The following DLGAP2 variants were observed in gnomAD, a reference collection of about 807,000 sequenced individuals.
DLGAP2 encodes the protein DLG associated protein 2, also known as disks large-associated protein 2.
DLGAP2 carries 26 observed loss-of-function variants against 100.3 expected under a neutral mutation model. The ratio of observed to expected loss-of-function variants is 0.26; its 90% confidence interval spans 0.19 to 0.36. The LOEUF (loss-of-function observed/expected upper bound fraction) is 0.36, where lower values mean the gene tolerates loss of function less well. Ranked by LOEUF, DLGAP2 falls within the 10% of genes least tolerant of loss-of-function variation. The pLI, the probability that DLGAP2 is intolerant of heterozygous loss-of-function variation, is 1.00. For missense variants in DLGAP2, 1,858 were observed against 1,453.2 expected (o/e 1.28, Z -4.53); for synonymous variants, 886 against 630.1 (o/e 1.41, Z -6.08).
intron 2 of DLGAP2, among the ~76,000 whole-genome samples, chr8:1,054,002 A>C (rs185807413): frequency 6.6e-6 from 1 of 152,252 alleles, no homozygotes; most frequent in East Asian, 1.9e-4. Flanking sequence ...GCAGTACAAC[A>C]AATGTGTTAC....
At chr8:892,352 G>T (rs534746471) in intron 1 of DLGAP2, among the ~76,000 whole-genome samples, 1 of 152,114 alleles carries the variant, frequency 6.6e-6, no homozygotes, top group African/African-American at 2.4e-5. Context: ...CCACACAGCC[G>T]AACATGAGTC....
intron 2 of DLGAP2, among the ~76,000 whole-genome samples, chr8:1,256,690 AACTG>A (rs1380697222): frequency 1.3e-5 from 2 of 152,174 alleles, no homozygotes; most frequent in Non-Finnish European, 2.9e-5. Context: ...ACTGAGGGGA[AACTG>A]ACTGTGGGCC....
At chr8:847,773 C>T (rs1249249317) in intron 1 of DLGAP2, among the ~76,000 whole-genome samples, 2 of 152,210 alleles carry the variant, frequency 1.3e-5, no homozygotes, top group African/African-American at 4.8e-5. Flanking sequence ...TCCCAAAGTG[C>T]TGGCATTACA....
At chr8:967,816 C>CTTTT (rs1160625195) in intron 2 of DLGAP2, among the ~76,000 whole-genome samples, 7 of 2,580 alleles carry the variant, frequency 2.7e-3, no homozygotes, top group Admixed American at 0.013. Flanking sequence ...TTGAACACCA[C>CTTTT]TATATATATA....
chr8:1,439,908 C>G (rs1348355292), intron 3 of DLGAP2, among the ~76,000 whole-genome samples: 1 of 152,118 alleles, frequency 6.6e-6, no homozygotes, highest in South Asian at 2.1e-4. Context: ...GTCCTCATCC[C>G]TAGACAATGA....
At chr8:1,580,999 CA>C (rs907205483) in intron 6 of DLGAP2, among the ~76,000 whole-genome samples, 1 of 150,880 alleles carries the variant, frequency 6.6e-6, no homozygotes, top group Non-Finnish European at 1.5e-5. Flanking sequence ...AGGATACAGA[CA>C]AAACCCCACA....
In DLGAP2 at chr8:1,282,416, G is replaced by A. The variant is rs1429058614; in HGVS notation, c.106+23533G>A. ...AGACGTGGTGTGACCTGAACCCAGCGCCCTGAACCATCCGGACATGGTGTG... is the reference window on the plus strand; with the variant it reads ...AGACGTGGTGTGACCTGAACCCAGCACCCTGAACCATCCGGACATGGTGTG... On this transcript the variant is annotated intron_variant, in intron 3 of 14. Coordinates refer to ENST00000637795, the MANE Select transcript of DLGAP2 (RefSeq NM_001346810.2). 1.4e-4 allele frequency among the ~76,000 whole-genome samples: 16 copies of A among 112,112 alleles called. 1 individual carries two copies. Among genetic ancestry groups the A allele is most frequent in the East Asian group, 3.2e-4 (1 of 3,156 alleles). The allele number at this position is 112,112 out of a possible 152,430, so 73.5% of individuals were successfully genotyped here.
chr8:1,467,510 C>G (rs189229547), intron 3 of DLGAP2, among the ~76,000 whole-genome samples: 135 of 152,222 alleles, frequency 8.9e-4, no homozygotes, highest in African/African-American at 2.8e-3. Flanking sequence ...GCTCCAGACC[C>G]CCATTACCTT....
Position 1,549,013 on chromosome 8 carries a change from G to T in DLGAP2, c.560G>T (p.Arg187Leu). ...GCCCACGCGGGCGCCAAGATCAACC[G>T]CATCCCGGCCAACCTGCTGGACCAG... ...AVAHAGAKIN[R>L]IPANLLDQFE... Residue 187 changes from arginine to leucine, a missense_variant, in exon 5 of 15, where the codon CGC becomes CTC. Arg to Leu is a moderately radical substitution (Grantham distance 102). Transcript: ENST00000637795. The T allele has an allele frequency of 6.3e-7, 1 of 1,597,380 alleles. No homozygotes were observed. Among genetic ancestry groups the T allele is most frequent in the Non-Finnish European group, 8.5e-7 (1 of 1,177,772 alleles).
In DLGAP2 at chr8:1,048,462, C is replaced by T. The variant is rs562086277; in HGVS notation, c.73+140496C>T. ...ACAGGTAGCGACGGCATCGTCTGTG[C>T]GTCTGTGCTCAGTGAATCTCTGGAA... On this transcript the variant is annotated intron_variant, in intron 2 of 14. Coordinates refer to ENST00000637795, the MANE Select transcript of DLGAP2 (RefSeq NM_001346810.2). Among the ~76,000 whole-genome samples, 51 of 152,112 alleles carry T rather than the reference C, an allele frequency of 3.4e-4. No individual in the cohort carries two copies. In the South Asian group the frequency reaches 3.5e-3, roughly 11 times the overall value.
chr8:1,018,190 G>A (rs1490919243), intron 2 of DLGAP2, among the ~76,000 whole-genome samples: 3 of 151,812 alleles, frequency 2.0e-5, no homozygotes, highest in African/African-American at 7.3e-5. Flanking sequence ...CATGATCCCT[G>A]CCCCTATAGG....
chr8:1,645,709 C>A (rs907487663), intron 8 of DLGAP2, among the ~76,000 whole-genome samples: 2 of 152,120 alleles, frequency 1.3e-5, no homozygotes, highest in Non-Finnish European at 2.9e-5. Flanking sequence ...TTATTTGCTA[C>A]TTTTATAACT....
intron 3 of DLGAP2, among the ~76,000 whole-genome samples, chr8:1,353,279 A>G (rs554281238): frequency 1.3e-5 from 2 of 152,354 alleles, no homozygotes; most frequent in African/African-American, 2.4e-5. Flanking sequence ...GAACAGAGGG[A>G]CAGACGGTCC....
chr8:1,579,240 C>A (rs2130631734), intron 6 of DLGAP2, among the ~76,000 whole-genome samples: 1 of 151,992 alleles, frequency 6.6e-6, no homozygotes, highest in East Asian at 1.9e-4. Context: ...GAGCTTATTT[C>A]AAAGATACTT....
chr8:919,867 A>G (rs1159708455), intron 2 of DLGAP2, among the ~76,000 whole-genome samples: 1 of 152,216 alleles, frequency 6.6e-6, no homozygotes, highest in Non-Finnish European at 1.5e-5. Context: ...CTTTACTAAG[A>G]AATGCCTTTA....
At chr8:1,499,522 A>C (rs752840636) in intron 3 of DLGAP2, among the ~76,000 whole-genome samples, 1 of 152,218 alleles carries the variant, frequency 6.6e-6, no homozygotes, top group African/African-American at 2.4e-5. Context: ...TACATGAATG[A>C]GACCATTCCA....
At chr8:1,007,327 G>A (rs1025034006) in intron 2 of DLGAP2, among the ~76,000 whole-genome samples, 13 of 152,216 alleles carry the variant, frequency 8.5e-5, no homozygotes, top group Non-Finnish European at 1.8e-4. Flanking sequence ...CCGCTCTCAG[G>A]TGCCCACGTC....
At chr8:847,925 T>C (rs1327714515) in intron 1 of DLGAP2, among the ~76,000 whole-genome samples, 1 of 152,236 alleles carries the variant, frequency 6.6e-6, no homozygotes, top group African/African-American at 2.4e-5. Context: ...TTAGCTTGGA[T>C]GCTTGCTTGC....
intron 8 of DLGAP2, among the ~76,000 whole-genome samples, chr8:1,638,907 C>T (rs1428738853): frequency 1.3e-5 from 2 of 152,224 alleles, no homozygotes; most frequent in Non-Finnish European, 2.9e-5. Flanking sequence ...GCTGAAGCAA[C>T]AGGATGGAGG....
Sources: allele counts gnomAD v4.1 joint callset (sites outside exome capture counted in the v4.1 genomes callset), GRCh38; gene constraint gnomAD v4.1.1; transcripts MANE v1.5; gene names NCBI Gene and HGNC (gene_info 2026-07-23, HGNC 2026-07-21).